The following ANKRD50 variants were observed in gnomAD, a reference collection of about 807,000 sequenced individuals.
The protein encoded by ANKRD50 is ankyrin repeat domain 50.
Under a neutral mutation model 112.0 loss-of-function variants are expected in ANKRD50, and 40 were observed. The observed-to-expected ratio is 0.36, with a 90% CI of 0.28 to 0.46. ANKRD50 has a LOEUF of 0.46. Among genes scored for constraint, ANKRD50 ranks in the 20% least tolerant of loss-of-function variants. ANKRD50 has a pLI of 1.00. For synonymous variants in ANKRD50, 613 were observed against 619.1 expected (o/e 0.99, Z 0.15); for missense variants, 1,487 against 1,701.7 (o/e 0.87, Z 2.22).
intron 3 of ANKRD50, among the ~76,000 whole-genome samples, chr4:124,674,080 G>C (rs563886604): frequency 1.3e-5 from 2 of 152,024 alleles, no homozygotes; most frequent in Non-Finnish European, 1.5e-5. Context: ...TTTTCTGTGT[G>C]TCCATTTGCT....
chr4:124,674,178 A>G (rs75587739), intron 3 of ANKRD50, among the ~76,000 whole-genome samples: 187 of 152,112 alleles, frequency 1.2e-3, no homozygotes, highest in African/African-American at 4.3e-3. Flanking sequence ...TTAAGAAATA[A>G]TATTATTTTA....
chr4:124,666,533 T>C lies in ANKRD50; in HGVS notation c.*985A>G, dbSNP rs933516157. The stretch of plus-strand genomic sequence containing the variant: ...TTTGGTCATGCAGCAATTTACAAAA[T>C]AGAAACCGCTGAGAGAGAAGCCAGC... On this transcript the variant is annotated 3_prime_UTR_variant, in exon 5 of 5. Transcript: ENST00000504087. 1 of 152,310 alleles carries C rather than the reference T, an allele frequency of 6.6e-6. No homozygotes were observed. Among genetic ancestry groups the C allele is most frequent in the Non-Finnish European group, 1.5e-5 (1 of 67,934 alleles). 9.4% of individuals were successfully genotyped at this position (152,310 alleles called of 1,614,324 possible). A position where few individuals can be genotyped will look rare whatever the true frequency, so the allele number is the denominator to read the frequency against.
At position 124,672,362 on chromosome 4, in the gene ANKRD50, G is replaced by A. The variant is rs943172577; in HGVS notation, c.915C>T (p.Tyr305=). Residue 305 remains tyrosine (Y), a synonymous_variant, in exon 4 of 5, where the codon TAC becomes TAT. Coordinates refer to ENST00000504087, the MANE Select transcript of ANKRD50 (RefSeq NM_020337.3). ...LHIKSSGCFL[Y]LERVLDGVVE... is the part of the protein sequence containing the mutation. ...CAACTCCATCTAAAACTCGTTCTAGGTAAAGAAAGCATCCACTGCTTTTAA... is the reference window on the plus strand; with the variant it reads ...CAACTCCATCTAAAACTCGTTCTAGATAAAGAAAGCATCCACTGCTTTTAA... The A allele has an allele frequency of 1.9e-6, 3 of 1,613,096 alleles. No homozygotes were observed.
rs1239441322 is a variant in ANKRD50 at position 124,665,333 on chromosome 4, G to C, written c.*2185C>G. ...AATTGCTTCAAGTGTATATAGTATGGATATGAAAACAGTTAGCTCTTTGAA... is the reference window on the plus strand; with the variant it reads ...AATTGCTTCAAGTGTATATAGTATGCATATGAAAACAGTTAGCTCTTTGAA... On this transcript the variant is annotated 3_prime_UTR_variant, in exon 5 of 5. Transcript: ENST00000504087. The C allele has an allele frequency of 6.6e-6, 1 of 152,292 alleles. No homozygotes were observed. Among genetic ancestry groups the C allele is most frequent in the Non-Finnish European group, 1.5e-5 (1 of 67,856 alleles). 9.4% of individuals were successfully genotyped at this position (152,292 alleles called of 1,614,324 possible).
In ANKRD50 at chr4:124,669,575, G is replaced by A. The variant is rs1469780541; in HGVS notation, c.3702C>T (p.Ser1234=). 1.2e-6 allele frequency: 2 copies of A among 1,613,258 alleles called. No homozygotes were observed. The highest frequency in any genetic ancestry group is 2.2e-5 in the South Asian group (2 of 91,030). ...PRSRSRQSIV[S]PSSTTQSLGQ... is the part of the protein sequence containing the mutation. Reference sequence around the variant, plus strand: ...CTAAGGACTGTGTTGTGGAAGATGGGGAAACAATTGACTGTCGACTTCTAC... The same window carrying A: ...CTAAGGACTGTGTTGTGGAAGATGGAGAAACAATTGACTGTCGACTTCTAC... Residue 1234 remains serine, a synonymous_variant, in exon 4 of 5, where the codon TCC becomes TCT. Coordinates refer to ENST00000504087, the MANE Select transcript of ANKRD50 (RefSeq NM_020337.3).
At chr4:124,711,755 C>A (rs1347704034) in intron 1 of ANKRD50, among the ~76,000 whole-genome samples, 1 of 139,102 alleles carries the variant, frequency 7.2e-6, no homozygotes, top group Non-Finnish European at 1.6e-5. Flanking sequence ...GGATGGGAAA[C>A]GGTTTAAAAA....
intron 2 of ANKRD50, among the ~76,000 whole-genome samples, chr4:124,691,670 A>G (rs1261917118): frequency 1.3e-5 from 2 of 152,172 alleles, no homozygotes; most frequent in East Asian, 3.9e-4. Flanking sequence ...CACTTAAAAC[A>G]TTCTGATGTC....
chr4:124,695,466 G>A (rs1418080911), intron 2 of ANKRD50, among the ~76,000 whole-genome samples: 7 of 152,150 alleles, frequency 4.6e-5, no homozygotes, highest in Non-Finnish European at 1.5e-5. Context: ...AACATGTGGT[G>A]TCCTGAACAC....
chr4:124,700,938 G>A (rs968460697), intron 2 of ANKRD50, among the ~76,000 whole-genome samples: 1 of 152,170 alleles, frequency 6.6e-6, no homozygotes, highest in Admixed American at 6.5e-5. Context: ...TAATGGCTGA[G>A]CCAGAATTAA....
intron 2 of ANKRD50, among the ~76,000 whole-genome samples, chr4:124,697,376 T>A (rs72680260): frequency 0.034 from 5,135 of 152,288 alleles, 112 homozygotes; most frequent in Non-Finnish European, 0.051. Flanking sequence ...AAAACTCATG[T>A]TGGAAGCTTA....
chr4:124,693,120 TATAAG>T (rs1204799850), intron 2 of ANKRD50, among the ~76,000 whole-genome samples: 1 of 152,096 alleles, frequency 6.6e-6, no homozygotes, highest in Non-Finnish European at 1.5e-5. Flanking sequence ...TATCAAAGAG[TATAAG>T]ATAAGAGCAT....
rs961444935 is a variant in ANKRD50 at position 124,669,085 on chromosome 4, G to C, written c.4192C>G (p.Pro1398Ala). 6.2e-7 allele frequency: 1 copy of C among 1,613,414 alleles called. No individual in the cohort carries two copies. Among genetic ancestry groups the C allele is most frequent in the East Asian group, 2.2e-5 (1 of 44,838 alleles). ...AGGCTTAATTCTGTCTCTGAGGAAG[G>C]GTATCCCTCCAACACTTCCTGATGC... is the stretch of plus-strand genomic sequence containing the variant. ...RGHQEVLEGY[P>A]SSETELSLKQ... Residue 1398 changes from proline to alanine, a missense_variant, in exon 4 of 5, where the codon CCT (proline) becomes GCT (alanine). Transcript: ENST00000504087.
intron 2 of ANKRD50, among the ~76,000 whole-genome samples, chr4:124,686,596 A>T (rs960230748): frequency 1.3e-5 from 2 of 152,146 alleles, no homozygotes; most frequent in African/African-American, 4.8e-5. Context: ...TTGAGGCACA[A>T]GTGAAACCCA....
At position 124,671,721 on chromosome 4, in the gene ANKRD50, C is replaced by A. The variant is rs767228646; in HGVS notation, c.1556G>T (p.Arg519Leu). The change falls in exon 4 of 5, where the codon CGA becomes CTA. Residue 519 changes from arginine to leucine, a missense_variant. Arg to Leu is a moderately radical substitution (Grantham distance 102). Around this residue, in one of 2 missense-constraint regions of ANKRD50, gnomAD observed 1,046 missense variants for 1,269.5 expected, o/e 0.82. Coordinates refer to ENST00000504087, the MANE Select transcript of ANKRD50 (RefSeq NM_020337.3). ...SEDDRTSCIV[R>L]QALEREDSIR... is the part of the protein sequence containing the mutation. ...GGAATCCTCTCTTTCTAAGGCTTGT[C>A]GAACTATGCATGATGTGCGATCGTC... 6.2e-7 allele frequency: 1 copy of A among 1,613,832 alleles called. No individual in the cohort carries two copies. The highest frequency in any genetic ancestry group is 1.1e-5 in the South Asian group (1 of 91,074).
rs149756634 is a variant in ANKRD50 at position 124,702,587 on chromosome 4, T to C, written c.512+7413A>G. 2.7e-3 allele frequency among the ~76,000 whole-genome samples: 405 copies of C among 152,258 alleles called. 2 individuals are homozygous for C. Among genetic ancestry groups the C allele is most frequent in the Middle Eastern group, 6.8e-3 (2 of 292 alleles). ...TAATATTGATGATCCTAAGATCACA[T>C]GGTTTAGTAGAAAACGGCCTATGAA... On this transcript the variant is annotated intron_variant, in intron 2 of 4. Transcript: ENST00000504087.
At position 124,710,028 on chromosome 4, in the gene ANKRD50, C is replaced by T. The variant is rs1226106990; in HGVS notation, c.484G>A (p.Glu162Lys). The change falls in exon 2 of 5, where the codon GAG (glutamate) becomes AAG (lysine). Residue 162 changes from glutamate to lysine, a missense_variant. Physicochemically the swap from Glu to Lys is moderately conservative, Grantham distance 56 (BLOSUM62 1). Around this residue, in one of 2 missense-constraint regions of ANKRD50, gnomAD observed 1,046 missense variants for 1,269.5 expected, o/e 0.82. Coordinates refer to ENST00000504087, the MANE Select transcript of ANKRD50 (RefSeq NM_020337.3). ...VQSLLQPGEC[E>K]RNPAEAFKRC... ...TTAAATGCTTCGGCTGGGTTTCTCT[C>T]GCACTCCCCAGGCTGTAAGAGGCTT... 7 of 1,613,288 alleles carry T rather than the reference C, an allele frequency of 4.3e-6. No individual in the cohort carries two copies. The highest frequency in any genetic ancestry group is 1.1e-5 in the South Asian group (1 of 91,042).
chr4:124,678,242 T>C (rs1724778681), intron 3 of ANKRD50, among the ~76,000 whole-genome samples: 1 of 151,720 alleles, frequency 6.6e-6, no homozygotes, highest in South Asian at 2.1e-4. Context: ...GTTAATCTAA[T>C]AGGAGTAACC....
intron 2 of ANKRD50, among the ~76,000 whole-genome samples, chr4:124,691,527 A>G (rs1553968030): frequency 7.3e-6 from 1 of 137,152 alleles, no homozygotes. Flanking sequence ...AAAAAAAAGG[A>G]GAACAGTACT....
rs778788065 is a variant in ANKRD50, at chr4:124,669,539, A to C, written c.3738T>G (p.His1246Gln). 6.2e-7 allele frequency: 1 copy of C among 1,613,018 alleles called. No individual in the cohort carries two copies. Among genetic ancestry groups the C allele is most frequent in the Admixed American group, 1.7e-5 (1 of 59,890 alleles). ...SSTTQSLGQS[H>Q]NSPSSEFEWS... ...ACTCAAATTCACTACTTGGTGAATT[A>C]TGACTCTGTCCTAAGGACTGTGTTG... Residue 1246 changes from histidine to glutamine, a missense_variant, in exon 4 of 5, where the codon CAT (histidine) becomes CAG (glutamine). By Grantham distance (24) the His-to-Gln change is conservative. Transcript: ENST00000504087.
Sources: allele counts gnomAD v4.1 joint callset (sites outside exome capture counted in the v4.1 genomes callset), GRCh38; gene constraint gnomAD v4.1.1; regional missense constraint gnomAD v4.1.1; transcripts MANE v1.5; gene names NCBI Gene and HGNC (gene_info 2026-07-23, HGNC 2026-07-21).